Variants in SIPA1L3 observed in about 807,000 individuals in gnomAD.
SIPA1L3 encodes signal-induced proliferation-associated 1-like protein 3.
SIPA1L3 carries 59 observed loss-of-function variants against 150.1 expected under a neutral mutation model. The observed-to-expected ratio is 0.39, with a 90% CI of 0.32 to 0.49. The LOEUF (loss-of-function observed/expected upper bound fraction) is 0.49. Ranked by LOEUF, SIPA1L3 falls within the 20% of genes least tolerant of loss-of-function variation. SIPA1L3 has a pLI of 0.86. For missense variants in SIPA1L3, 2,211 were observed against 2,489.5 expected, an observed-to-expected ratio of 0.89 and a Z score of 2.38; for synonymous variants, 1,070 against 1,077.6, an observed-to-expected ratio of 0.99 and a Z score of 0.14.
At chr19:37,908,203 C>G (rs1186063662) in intron 1 of SIPA1L3, among the ~76,000 whole-genome samples, 2 of 152,152 alleles carry the variant, frequency 1.3e-5, no homozygotes, top group Non-Finnish European at 2.9e-5. Context: ...TTGGTCACCC[C>G]CGAGGGCCAG....
At chr19:38,154,847 C>T (rs538012249) in intron 13 of SIPA1L3, among the ~76,000 whole-genome samples, 12 of 151,352 alleles carry the variant, frequency 7.9e-5, no homozygotes, top group Admixed American at 1.3e-4. Flanking sequence ...CTGCAACCTC[C>T]GCCTCCCAGG....
At chr19:38,000,934 C>CATATATA (rs1342918499) in intron 1 of SIPA1L3, among the ~76,000 whole-genome samples, 1 of 126,252 alleles carries the variant, frequency 7.9e-6, no homozygotes, top group East Asian at 2.1e-4. Context: ...ATATATATAA[C>CATATATA]ATATATAACA....
intron 15 of SIPA1L3, among the ~76,000 whole-genome samples, chr19:38,175,870 T>C (rs757499242): frequency 7.2e-5 from 11 of 151,998 alleles, no homozygotes; most frequent in Admixed American, 2.6e-4. Context: ...AAGTTGATAT[T>C]GAGACTTCAG....
intron 4 of SIPA1L3, among the ~76,000 whole-genome samples, chr19:38,093,284 C>T (rs1970301538): frequency 6.6e-6 from 1 of 152,126 alleles, no homozygotes; most frequent in Non-Finnish European, 1.5e-5. Context: ...CCAGGCAGAG[C>T]GAACAGCCAG....
intron 1 of SIPA1L3, among the ~76,000 whole-genome samples, chr19:37,953,546 G>A (rs201314502): frequency 6.8e-6 from 1 of 147,838 alleles, no homozygotes; most frequent in Non-Finnish European, 1.5e-5. Context: ...GTGTGTGTGT[G>A]TATGTGTGTG....
chr19:37,981,045 G>C (rs544331160), intron 1 of SIPA1L3, among the ~76,000 whole-genome samples: 16 of 152,282 alleles, frequency 1.1e-4, no homozygotes, highest in African/African-American at 3.6e-4. Context: ...TTCCAAGTTG[G>C]CCACATAGTG....
chr19:37,995,385 C>T (rs1264883689), intron 1 of SIPA1L3, among the ~76,000 whole-genome samples: 2 of 152,108 alleles, frequency 1.3e-5, no homozygotes, highest in East Asian at 1.9e-4. Flanking sequence ...TCTCATACAG[C>T]GTGGAGGGAC....
At chr19:38,163,153 T>G (rs575673804) in intron 14 of SIPA1L3, among the ~76,000 whole-genome samples, 3 of 152,204 alleles carry the variant, frequency 2.0e-5, no homozygotes, top group African/African-American at 7.2e-5. Context: ...GACTTCCCAT[T>G]TGGGGCAGCA....
At chr19:38,098,571 T>C (rs1970432018) in intron 4 of SIPA1L3, among the ~76,000 whole-genome samples, 1 of 152,122 alleles carries the variant, frequency 6.6e-6, no homozygotes, top group African/African-American at 2.4e-5. Context: ...ATTTTTGTAT[T>C]TTTAATGGAG....
intron 1 of SIPA1L3, chr19:37,963,906 G>A (rs913452907): frequency 1.3e-5 from 2 of 152,080 alleles, no homozygotes; most frequent in Non-Finnish European, 2.9e-5. Context: ...AGTCAATTTG[G>A]AAGCTTTTTG....
At chr19:38,032,826 C>T (rs1968683100) in intron 2 of SIPA1L3, among the ~76,000 whole-genome samples, 1 of 149,016 alleles carries the variant, frequency 6.7e-6, no homozygotes, top group African/African-American at 2.5e-5. Flanking sequence ...GCACTCCAGC[C>T]TGGGCAACAG....
chr19:37,938,624 C>CTTTTTTTTTTTTTT (rs759856556), intron 1 of SIPA1L3, among the ~76,000 whole-genome samples: 1 of 131,268 alleles, frequency 7.6e-6, no homozygotes, highest in African/African-American at 2.8e-5. Flanking sequence ...TTTCTTTTTT[C>CTTTTTTTTTTTTTT]TTTTTTTTTT....
chr19:38,109,343 A>G (rs1351828952), intron 7 of SIPA1L3: 2 of 152,186 alleles, frequency 1.3e-5, no homozygotes, highest in East Asian at 1.9e-4. Context: ...CTTATTTACT[A>G]TCACGAGAAC....
intron 10 of SIPA1L3, among the ~76,000 whole-genome samples, chr19:38,132,438 G>C (rs1971332591): frequency 1.3e-5 from 2 of 151,698 alleles, no homozygotes; most frequent in South Asian, 4.2e-4. Context: ...TACAAAATTA[G>C]CTGGGCGTGG....
chr19:38,073,793 C>T (rs1342601913), intron 2 of SIPA1L3, among the ~76,000 whole-genome samples: 2 of 152,210 alleles, frequency 1.3e-5, no homozygotes, highest in Non-Finnish European at 2.9e-5. Context: ...GGACACTTTC[C>T]AGCCTCACAT....
intron 1 of SIPA1L3, among the ~76,000 whole-genome samples, chr19:38,000,919 A>ATC (rs1205454557): frequency 8.7e-6 from 1 of 114,558 alleles, no homozygotes; most frequent in Non-Finnish European, 1.8e-5. Context: ...TAACATATAT[A>ATC]TAACATATAT....
chr19:38,019,998 C>T (rs1014557030), intron 1 of SIPA1L3, among the ~76,000 whole-genome samples: 7 of 152,086 alleles, frequency 4.6e-5, no homozygotes, highest in Admixed American at 1.3e-4. Context: ...GAGGCTGAGA[C>T]GAGAGGATCA....
At chr19:38,160,146 G>A (rs897501666) in intron 13 of SIPA1L3, among the ~76,000 whole-genome samples, 3 of 151,704 alleles carry the variant, frequency 2.0e-5, no homozygotes, top group Admixed American at 6.6e-5. Flanking sequence ...CGAGTAGCTG[G>A]GACTACAGGC....
chr19:38,180,797 G>A lies in SIPA1L3; in HGVS notation c.4209-1722G>A, dbSNP rs189964577. On this transcript the variant is annotated intron_variant, in intron 15 of 21. Transcript: ENST00000222345. ...TGAGCTCAGGTTATCTGCCCGCCTTGGCCTCCCAAAGTGCTGGAATTACAG... is the reference window on the plus strand; with the variant it reads ...TGAGCTCAGGTTATCTGCCCGCCTTAGCCTCCCAAAGTGCTGGAATTACAG... 9.8e-4 allele frequency among the ~76,000 whole-genome samples: 149 copies of A among 152,150 alleles called. 1 individual carries two copies. The highest frequency in any genetic ancestry group is 3.3e-3 in the African/African-American group (139 of 41,512).
Sources: allele counts gnomAD v4.1 joint callset (sites outside exome capture counted in the v4.1 genomes callset), GRCh38; gene constraint gnomAD v4.1.1; transcripts MANE v1.5; gene names NCBI Gene and HGNC (gene_info 2026-07-23, HGNC 2026-07-21).